ENAM: variants seen among roughly 807,000 people sequenced by gnomAD.
ENAM encodes amelogenesis imperfecta 2, hypocalcification (autosomal dominant).
ENAM carries 21 observed loss-of-function variants against 33.6 expected under a neutral mutation model. That is an observed-to-expected ratio of 0.63 (90% CI 0.44 to 0.90). ENAM has a LOEUF of 0.90. Ranked by LOEUF, ENAM falls within the 40% of genes least tolerant of loss-of-function variation. The pLI is 0.00. For synonymous variants in ENAM, 473 were observed against 468.4 expected, an observed-to-expected ratio of 1.01 and a Z score of -0.13; for missense variants, 1,388 against 1,366.9, an observed-to-expected ratio of 1.02 and a Z score of -0.24.
In ENAM at chr4:70,643,344, A is replaced by G. The variant is rs879563320; in HGVS notation, c.1918A>G (p.Ile640Val). Residue 640 changes from isoleucine to valine, a missense_variant, in exon 9 of 9, where the codon ATA becomes GTA. Ile to Val is a conservative substitution (Grantham distance 29). Transcript: ENST00000396073. ...MGQKESPLYP[I>V]NTPDQKEIVP... ...GCAAAAAGAAAGTCCACTCTACCCCATAAATACCCCAGACCAGAAGGAGAT... is the reference window on the plus strand; with the variant it reads ...GCAAAAAGAAAGTCCACTCTACCCCGTAAATACCCCAGACCAGAAGGAGAT... The G allele has an allele frequency of 8.1e-6, 13 of 1,614,062 alleles. No individual in the cohort carries two copies. Among genetic ancestry groups the G allele is most frequent in the Non-Finnish European group, 1.0e-5 (12 of 1,179,970 alleles).
In ENAM at chr4:70,629,512, T is replaced by G; in HGVS notation, c.12T>G (p.Leu4=). The change falls in exon 2 of 9, where the codon CTT becomes CTG. Residue 4 remains leucine, a synonymous_variant. Coordinates refer to ENST00000396073, the MANE Select transcript of ENAM (RefSeq NM_031889.3). The part of the protein sequence containing the change: MLV[L]RCRLGTSFPK... Reference sequence around the variant, plus strand: ...TTTTGCTGAAAAAAATGTTGGTGCTTCGGTGCAGGCTTGGAACCTCTTTTC... The same window carrying G: ...TTTTGCTGAAAAAAATGTTGGTGCTGCGGTGCAGGCTTGGAACCTCTTTTC... 6.2e-7 allele frequency: 1 copy of G among 1,613,506 alleles called. No individual in the cohort carries two copies. Among genetic ancestry groups the G allele is most frequent in the Non-Finnish European group, 8.5e-7 (1 of 1,179,520 alleles).
chr4:70,633,078 T>C (rs1277411793), intron 5 of ENAM, among the ~76,000 whole-genome samples: 2 of 152,132 alleles, frequency 1.3e-5, no homozygotes, highest in African/African-American at 4.8e-5. Context: ...AAGATAACAC[T>C]ACAGTTATGA....
At chr4:70,631,606 G>C (rs1238582828) in intron 2 of ENAM, 64 bp from the exon 3 acceptor site, 5 of 1,189,762 alleles carry the variant, frequency 4.2e-6, no homozygotes, top group Non-Finnish European at 5.0e-6. Context: ...ACTTAGATAA[G>C]TGCAGAGTGC....
chr4:70,642,011 A>G lies in ENAM; in HGVS notation c.589-4A>G. Reference sequence around the variant, plus strand: ...ATTATTGATTTCCATTTTCTTTCCTACAGAATCCTTACTTTGGATATTTTG... The same window carrying G: ...ATTATTGATTTCCATTTTCTTTCCTGCAGAATCCTTACTTTGGATATTTTG... On this transcript the variant is annotated splice_region_variant and splice_polypyrimidine_tract_variant and intron_variant, in intron 8 of 8. Coordinates refer to ENST00000396073, the MANE Select transcript of ENAM (RefSeq NM_031889.3). 1.2e-6 allele frequency: 2 copies of G among 1,609,534 alleles called. No homozygotes were observed. The highest frequency in any genetic ancestry group is 8.5e-7 in the Non-Finnish European group (1 of 1,175,820).
rs148122591 is a variant in ENAM, at chr4:70,644,420, G to T, written c.2994G>T (p.Leu998=). The T allele has an allele frequency of 2.5e-4, 411 of 1,614,150 alleles. 1 individual carries two copies. Among genetic ancestry groups the T allele is most frequent in the Non-Finnish European group, 3.3e-4 (386 of 1,180,020 alleles). The change falls in exon 9 of 9, where the codon CTG becomes CTT. Residue 998 remains leucine, a synonymous_variant. Transcript: ENST00000396073. ...NDLGGDGNNI[L]EQVFEDNQLN... is the part of the protein sequence containing the mutation. ...TTGGAGGAGATGGGAACAACATTCT[G>T]GAACAAGTTTTTGAAGACAACCAGC...
chr4:70,631,637 A>G, intron 2 of ENAM, 33 bp from the exon 3 acceptor site: 1 of 1,499,838 alleles, frequency 6.7e-7, no homozygotes, highest in Non-Finnish European at 9.3e-7. Flanking sequence ...CTTATTTCAC[A>G]GACCAAAAAT....
chr4:70,635,103 G>A (rs1409364805), intron 6 of ENAM, among the ~76,000 whole-genome samples: 16 of 152,286 alleles, frequency 1.1e-4, no homozygotes, highest in African/African-American at 2.9e-4. Flanking sequence ...TAGGCCGGGC[G>A]TGGTGGCTCA....
In ENAM at chr4:70,642,531, A is replaced by T; in HGVS notation, c.1105A>T (p.Lys369Ter). 6.2e-7 allele frequency: 1 copy of T among 1,614,132 alleles called. No individual in the cohort carries two copies. The change falls in exon 9 of 9, where the codon AAA becomes TAA. Residue 369 changes from lysine (K) to a stop codon, truncating the protein, a stop_gained. Coordinates refer to ENST00000396073, the MANE Select transcript of ENAM (RefSeq NM_031889.3). LOFTEE classifies it low-confidence loss of function (END_TRUNC). Reference protein sequence around the residue: ...PRWNFFAWERKQVARPGNPVY... With the variant: ...PRWNFFAWER ...GTGGAACTTCTTTGCTTGGGAACGT[A>T]AACAAGTAGCTCGTCCAGGAAATCC...
intron 8 of ENAM, among the ~76,000 whole-genome samples, chr4:70,640,056 A>T (rs1242356320): frequency 6.6e-6 from 1 of 152,218 alleles, no homozygotes; most frequent in East Asian, 1.9e-4. Context: ...AATGATCTAA[A>T]TGCCACACAA....
In ENAM at chr4:70,643,482, T is replaced by C. The variant is rs1264303018; in HGVS notation, c.2056T>C (p.Tyr686His). ...SFKGGPTVRH[Y>H]EGEQYTSNQP... The stretch of plus-strand genomic sequence containing the variant: ...CAAAGGAGGCCCAACAGTTAGGCAC[T>C]ATGAAGGTGAACAATATACCTCAAA... The change falls in exon 9 of 9, where the codon TAT (tyrosine) becomes CAT (histidine). Residue 686 changes from tyrosine (Y) to histidine (H), a missense_variant. Transcript: ENST00000396073. 1.2e-6 allele frequency: 2 copies of C among 1,614,168 alleles called. No individual in the cohort carries two copies. The highest frequency in any genetic ancestry group is 3.3e-5 in the Admixed American group (2 of 60,016).
chr4:70,641,468 A>G (rs1172767541), intron 8 of ENAM, among the ~76,000 whole-genome samples: 1 of 149,988 alleles, frequency 6.7e-6, no homozygotes, highest in African/African-American at 2.5e-5. Context: ...GCTCATTGCA[A>G]CCTCCACCTC....
chr4:70,630,137 G>A (rs186354365), intron 2 of ENAM, among the ~76,000 whole-genome samples: 1 of 152,146 alleles, frequency 6.6e-6, no homozygotes, highest in East Asian at 1.9e-4. Flanking sequence ...TTAAATAGTA[G>A]GAAAGGTATT....
rs751131471 is a variant in ENAM, at chr4:70,642,224, C to T, written c.798C>T (p.Asp266=). ...PNPKGSQGGN[D]TSPTGNSTPG... ...CTAAAGGGAGTCAGGGAGGAAATGA[C>T]ACCAGCCCCACAGGAAACAGTACCC... Residue 266 remains aspartate (D), a synonymous_variant, in exon 9 of 9, where the codon GAC becomes GAT. Coordinates refer to ENST00000396073, the MANE Select transcript of ENAM (RefSeq NM_031889.3). The T allele has an allele frequency of 6.2e-7, 1 of 1,614,088 alleles. No individual in the cohort carries two copies. Among genetic ancestry groups the T allele is most frequent in the Admixed American group, 1.7e-5 (1 of 60,018 alleles).
chr4:70,640,078 A>G (rs575986486), intron 8 of ENAM, among the ~76,000 whole-genome samples: 1 of 152,252 alleles, frequency 6.6e-6, no homozygotes, highest in Non-Finnish European at 1.5e-5. Flanking sequence ...TGTCTAACAA[A>G]CATACTGACT....
rs185256364 is a variant in ENAM, at chr4:70,641,966, A to G, written c.589-49A>G. The G allele has an allele frequency of 2.1e-4, 294 of 1,405,226 alleles. 2 individuals carry two copies. The African/African-American group carries it at 3.7e-3, about 18-fold the overall frequency. 87.0% of individuals were successfully genotyped at this position (1,405,226 alleles called of 1,614,324 possible). A position where few individuals can be genotyped will look rare whatever the true frequency, so the allele number is the denominator to read the frequency against. On this transcript the variant is annotated intron_variant, in intron 8 of 8. Coordinates refer to ENST00000396073, the MANE Select transcript of ENAM (RefSeq NM_031889.3). Reference sequence around the variant, plus strand: ...ATACTAAAAAATTCCAAACAACACCATGGTGGGAAACAAAGGGCAATTATT... The same window carrying G: ...ATACTAAAAAATTCCAAACAACACCGTGGTGGGAAACAAAGGGCAATTATT...
At chr4:70,636,237 G>A (rs550248085) in intron 7 of ENAM, among the ~76,000 whole-genome samples, 1 of 152,216 alleles carries the variant, frequency 6.6e-6, no homozygotes, top group African/African-American at 2.4e-5. Context: ...ATGTAATGGG[G>A]AAACTGGGAC....
intron 5 of ENAM, among the ~76,000 whole-genome samples, chr4:70,633,106 T>G (rs1278402438): frequency 6.6e-6 from 1 of 152,076 alleles, no homozygotes; most frequent in African/African-American, 2.4e-5. Flanking sequence ...TTTATGTTAT[T>G]TAAATAAATA....
intron 6 of ENAM, 139 bp downstream of exon 6, chr4:70,634,707 G>A: frequency 3.5e-6 from 3 of 861,166 alleles, no homozygotes; most frequent in Non-Finnish European, 5.8e-6. Flanking sequence ...ATCCAAAACT[G>A]CATGGCAAGT....
Position 70,631,859 on chromosome 4 carries a change from C to T in ENAM, c.134C>T (p.Pro45Leu). Residue 45 changes from proline (P) to leucine (L), a missense_variant, in exon 4 of 9, where the codon CCC becomes CTC. Physicochemically the swap from Pro to Leu is moderately conservative, Grantham distance 98. Coordinates refer to ENST00000396073, the MANE Select transcript of ENAM (RefSeq NM_031889.3). Reference protein sequence around the residue: ...GNSVAMPMHMPRMPGFSSKSE... With the variant: ...GNSVAMPMHMLRMPGFSSKSE... ...TTCTCTTACTTCCAGATGCACATGC[C>T]CCGAATGCCTGGATTTAGCAGTAAA... 6.2e-7 allele frequency: 1 copy of T among 1,613,976 alleles called. No homozygotes were observed. The highest frequency in any genetic ancestry group is 8.5e-7 in the Non-Finnish European group (1 of 1,179,944).
Sources: allele counts gnomAD v4.1 joint callset (sites outside exome capture counted in the v4.1 genomes callset), GRCh38; gene constraint gnomAD v4.1.1; transcripts MANE v1.5; gene names NCBI Gene and HGNC (gene_info 2026-07-23, HGNC 2026-07-21).